Variants in SEMA3E observed in about 807,000 individuals in gnomAD.
SEMA3E encodes semaphorin 3E.
A neutral mutation model predicts 93.6 loss-of-function variants in SEMA3E; 49 were observed. That is an observed-to-expected ratio of 0.52 (90% confidence interval 0.42 to 0.66). The LOEUF is 0.66. Among genes scored for constraint, SEMA3E ranks in the 30% least tolerant of loss-of-function variants. The pLI, the probability that SEMA3E is intolerant of heterozygous loss-of-function variation, is 0.00. For synonymous variants in SEMA3E, 363 were observed against 330.7 expected (o/e 1.10, Z -1.06); for missense variants, 906 against 964.8 (o/e 0.94, Z 0.81).
chr7:83,506,557 A>G (rs988053994), intron 1 of SEMA3E, among the ~76,000 whole-genome samples: 4 of 152,170 alleles, frequency 2.6e-5, no homozygotes, highest in African/African-American at 9.7e-5. Context: ...ATAGCACAGC[A>G]TGGTTAAAAA....
At chr7:83,484,733 T>C (rs1790218608) in intron 2 of SEMA3E, among the ~76,000 whole-genome samples, 1 of 152,226 alleles carries the variant, frequency 6.6e-6, no homozygotes, top group South Asian at 2.1e-4. Flanking sequence ...GGCATTATAA[T>C]ATTATTTTAT....
chr7:83,520,081 T>C (rs1441452639), intron 1 of SEMA3E, among the ~76,000 whole-genome samples: 6 of 152,180 alleles, frequency 3.9e-5, no homozygotes. Context: ...TCATTTGTCA[T>C]TGGCCCTGCT....
chr7:83,617,479 T>TAATATATAATTTTATATAAAA (rs1793397234), intron 1 of SEMA3E, among the ~76,000 whole-genome samples: 1 of 140,492 alleles, frequency 7.1e-6, no homozygotes, highest in African/African-American at 2.6e-5. Flanking sequence ...TTTATATAAA[T>TAATATATAATTTTATATAAAA]TTTATATAAA....
intron 2 of SEMA3E, 138 bp from the exon 3 acceptor site, chr7:83,469,440 T>C (rs1789846901): frequency 3.3e-6 from 2 of 613,766 alleles, no homozygotes; most frequent in Non-Finnish European, 5.7e-6. Flanking sequence ...ACAGTGGGTC[T>C]TTGTGTTATT....
intron 1 of SEMA3E, among the ~76,000 whole-genome samples, chr7:83,628,561 C>T (rs1793722313): frequency 6.6e-6 from 1 of 151,480 alleles, no homozygotes; most frequent in South Asian, 2.1e-4. Context: ...GATATCCTTT[C>T]TTCTGCTTGA....
chr7:83,633,115 A>C (rs1483498274), intron 1 of SEMA3E, among the ~76,000 whole-genome samples: 3 of 152,208 alleles, frequency 2.0e-5, no homozygotes, highest in African/African-American at 7.2e-5. Flanking sequence ...TTAATTCCCT[A>C]ATTCCAGTTA....
chr7:83,502,675 T>C (rs1296748241), intron 1 of SEMA3E, among the ~76,000 whole-genome samples: 1 of 152,230 alleles, frequency 6.6e-6, no homozygotes, highest in African/African-American at 2.4e-5. Flanking sequence ...TTTCATATCC[T>C]GTATTGCATG....
At chr7:83,389,974 CAT>C (rs1432637454) in intron 14 of SEMA3E, among the ~76,000 whole-genome samples, 8 of 126,808 alleles carry the variant, frequency 6.3e-5, no homozygotes, top group Admixed American at 2.5e-4. Context: ...TACGTATACA[CAT>C]ATATACGCGT....
At position 83,475,674 on chromosome 7, in the gene SEMA3E, C is replaced by A. The variant is rs940161056; in HGVS notation, c.277-6372G>T. Among the ~76,000 whole-genome samples, 3 of 152,094 alleles carry A rather than the reference C, an allele frequency of 2.0e-5. No homozygotes were observed. In the East Asian group the frequency reaches 5.8e-4, roughly 29 times the overall value. ...CTGTGTGCCATGAGTAATAGTCTTT[C>A]GTCTCTGACCCAAGAGTCTAATGTT... On this transcript the variant is annotated intron_variant, in intron 2 of 16. Transcript: ENST00000643230.
chr7:83,524,361 G>T (rs1791109492), intron 1 of SEMA3E, among the ~76,000 whole-genome samples: 1 of 152,080 alleles, frequency 6.6e-6, no homozygotes, highest in Non-Finnish European at 1.5e-5. Flanking sequence ...ACAAGCCTTG[G>T]ACCAAAAATT....
chr7:83,599,586 A>G (rs1314889714), intron 1 of SEMA3E, among the ~76,000 whole-genome samples: 1 of 152,220 alleles, frequency 6.6e-6, no homozygotes, highest in Admixed American at 6.5e-5. Context: ...GATGAATACA[A>G]TGGAAATGAG....
At chr7:83,520,518 C>T (rs1359539037) in intron 1 of SEMA3E, among the ~76,000 whole-genome samples, 3 of 152,008 alleles carry the variant, frequency 2.0e-5, no homozygotes, top group Non-Finnish European at 4.4e-5. Flanking sequence ...AAGAGAAGTG[C>T]TGGTAGAGAA....
chr7:83,573,491 C>G, intron 1 of SEMA3E, among the ~76,000 whole-genome samples: 1 of 151,910 alleles, frequency 6.6e-6, no homozygotes, highest in Admixed American at 6.6e-5. Context: ...GTTTGCAATT[C>G]CGGAAATGGA....
intron 16 of SEMA3E, among the ~76,000 whole-genome samples, chr7:83,381,032 C>T (rs1373809566): frequency 6.6e-6 from 1 of 151,996 alleles, no homozygotes; most frequent in Non-Finnish European, 1.5e-5. Flanking sequence ...ATACTTAATA[C>T]TGTGTGTTCC....
intron 1 of SEMA3E, among the ~76,000 whole-genome samples, chr7:83,499,454 G>A (rs1790553395): frequency 6.6e-6 from 1 of 152,266 alleles, no homozygotes; most frequent in East Asian, 1.9e-4. Flanking sequence ...TTATTATAAG[G>A]TGAGGTTAAG....
chr7:83,457,973 A>T (rs952941525), intron 4 of SEMA3E, among the ~76,000 whole-genome samples: 1 of 152,076 alleles, frequency 6.6e-6, no homozygotes, highest in Non-Finnish European at 1.5e-5. Flanking sequence ...AAGCCTTTAA[A>T]TGGTGTTTTG....
chr7:83,518,720 C>G (rs1287933717), intron 1 of SEMA3E, among the ~76,000 whole-genome samples: 1 of 152,094 alleles, frequency 6.6e-6, no homozygotes, highest in Non-Finnish European at 1.5e-5. Flanking sequence ...TGTCCTGCTG[C>G]ATTCCTTCTT....
chr7:83,571,389 T>G (rs2115870479), intron 1 of SEMA3E, among the ~76,000 whole-genome samples: 1 of 152,326 alleles, frequency 6.6e-6, no homozygotes, highest in East Asian at 1.9e-4. Context: ...TCAAGTAGGC[T>G]TTATTCCTGG....
chr7:83,557,185 C>A lies in SEMA3E; in HGVS notation c.116-66911G>T, dbSNP rs1320858392. ...AGTATTTTATTTGAAAATGAATATT[C>A]TTTTTATTACTAAATTTATGTAACA... On this transcript the variant is annotated intron_variant, in intron 1 of 16. Transcript: ENST00000643230. Among the ~76,000 whole-genome samples the A allele has an allele frequency of 2.6e-5, 4 of 151,802 alleles. No individual in the cohort carries two copies. In the East Asian group the frequency reaches 7.7e-4, roughly 29 times the overall value.
Sources: allele counts gnomAD v4.1 joint callset (sites outside exome capture counted in the v4.1 genomes callset), GRCh38; gene constraint gnomAD v4.1.1; transcripts MANE v1.5; gene names NCBI Gene and HGNC (gene_info 2026-07-23, HGNC 2026-07-21).